Variants in ARHGAP8 observed in about 807,000 individuals in gnomAD.
ARHGAP8 encodes the protein Rho GTPase activating protein 8.
In ARHGAP8, 62 loss-of-function variants were observed where a neutral mutation model predicts 46.1. The ratio of observed to expected loss-of-function variants is 1.34; its 90% confidence interval spans 1.10 to 1.66. ARHGAP8 has a LOEUF of 1.66. Ranked by LOEUF, ARHGAP8 falls within the 40% of genes most tolerant of loss-of-function variation. The pLI is 0.00. For synonymous variants in ARHGAP8, 375 were observed against 243.1 expected, an observed-to-expected ratio of 1.54 and a Z score of -5.05; for missense variants, 923 against 568.4, an observed-to-expected ratio of 1.62 and a Z score of -6.34.
At chr22:44,796,763 G>T (rs1232401605) in intron 2 of ARHGAP8, among the ~76,000 whole-genome samples, 2 of 152,168 alleles carry the variant, frequency 1.3e-5, no homozygotes, top group South Asian at 4.1e-4. Flanking sequence ...GAATTGCATT[G>T]TTCGTAATAA....
Position 44,822,385 on chromosome 22 carries a change from A to G in ARHGAP8, c.401A>G (p.Lys134Arg), listed in dbSNP as rs756279477. 2.5e-6 allele frequency: 4 copies of G among 1,581,584 alleles called. No homozygotes were observed. The highest frequency in any genetic ancestry group is 2.6e-6 in the Non-Finnish European group (3 of 1,168,828). The change falls in exon 6 of 12, where the codon AAG (lysine) becomes AGG (arginine). Residue 134 changes from lysine (K) to arginine (R), a missense_variant. Transcript: ENST00000356099. ...LKPLISHKFG[K>R]KVIYFNYLSE... ...TGCTTTCTTAGTCACAAGTTTGGGA[A>G]GAAAGTCATCTATTTCAACTACCTG...
At position 44,849,006 on chromosome 22, in the gene ARHGAP8, C is replaced by A; in HGVS notation, c.823C>A (p.Leu275Met). 6.2e-7 allele frequency: 1 copy of A among 1,614,128 alleles called. No individual in the cohort carries two copies. The highest frequency in any genetic ancestry group is 8.5e-7 in the Non-Finnish European group (1 of 1,180,040). ...AVILKTFLRE[L>M]PQPLLTFQAY... ...GATCCTGAAGACCTTCCTGCGAGAGCTGCCCCAGCCGCTTCTGACCTTCCA... is the reference window on the plus strand; with the variant it reads ...GATCCTGAAGACCTTCCTGCGAGAGATGCCCCAGCCGCTTCTGACCTTCCA... The change falls in exon 10 of 12, where the codon CTG (leucine) becomes ATG (methionine). Residue 275 changes from leucine (L) to methionine (M), a missense_variant. By Grantham distance (15) the Leu-to-Met change is conservative. Transcript: ENST00000356099.
rs982912682 is a variant in ARHGAP8 at position 44,862,730 on chromosome 22, T to C, written c.*135T>C. On this transcript the variant is annotated 3_prime_UTR_variant, in exon 12 of 12. Coordinates refer to ENST00000356099, the MANE Select transcript of ARHGAP8 (RefSeq NM_181335.3). ...AACCTTCTAATGAAAACTCCATGCC[T>C]CTGGTCCTTGGACTCTTGTCCATGG... 2.3e-5 allele frequency: 25 copies of C among 1,110,244 alleles called. No homozygotes were observed. The highest frequency in any genetic ancestry group is 3.1e-5 in the Non-Finnish European group (25 of 810,370). 68.8% of individuals were successfully genotyped at this position (1,110,244 alleles called of 1,614,324 possible).
intron 7 of ARHGAP8, among the ~76,000 whole-genome samples, chr22:44,841,942 G>A (rs916949300): frequency 2.0e-5 from 3 of 152,182 alleles, no homozygotes; most frequent in African/African-American, 4.8e-5. Flanking sequence ...GTCTACTCCC[G>A]TGTGGCTCCT....
At chr22:44,859,051 G>GC (rs1328332822) in intron 10 of ARHGAP8, among the ~76,000 whole-genome samples, 9 of 151,482 alleles carry the variant, frequency 5.9e-5, no homozygotes, top group Admixed American at 3.9e-4. Context: ...CCAGATCTAA[G>GC]CCATGGGCCG....
In ARHGAP8 at chr22:44,814,021, C is replaced by T. The variant is rs901128234; in HGVS notation, c.300-651C>T. ...TGTCTCCCCAGCAGGACACACCGTC[C>T]CCCACTCACCCTCTAGAGCCCTGGC... is the stretch of plus-strand genomic sequence containing the variant. On this transcript the variant is annotated intron_variant, in intron 4 of 11. Coordinates refer to ENST00000356099, the MANE Select transcript of ARHGAP8 (RefSeq NM_181335.3). 2.0e-5 allele frequency among the ~76,000 whole-genome samples: 3 copies of T among 152,170 alleles called. 1 individual carries two copies. Among genetic ancestry groups the T allele is most frequent in the Non-Finnish European group, 1.5e-5 (1 of 68,026 alleles).
rs201611417 is a variant in ARHGAP8, at chr22:44,802,121, C to T, written c.124C>T (p.Arg42Trp). 4.2e-5 allele frequency: 68 copies of T among 1,614,156 alleles called. No individual in the cohort carries two copies. The East Asian group carries it at 1.2e-3, about 28-fold the overall frequency. Reference protein sequence around the residue: ...GRRVVTFSCCRMPPSHELDHQ... With the variant: ...GRRVVTFSCCWMPPSHELDHQ... Reference sequence around the variant, plus strand: ...ACGTGTTGTCACGTTCAGCTGCTGCCGGATGCCACCCTCCCACGAGCTGGA... The same window carrying T: ...ACGTGTTGTCACGTTCAGCTGCTGCTGGATGCCACCCTCCCACGAGCTGGA... Residue 42 changes from arginine to tryptophan, a missense_variant, in exon 3 of 12, where the codon CGG becomes TGG. By Grantham distance (101) the Arg-to-Trp change is moderately radical (BLOSUM62 -3). Coordinates refer to ENST00000356099, the MANE Select transcript of ARHGAP8 (RefSeq NM_181335.3).
At position 44,846,623 on chromosome 22, in the gene ARHGAP8, C is replaced by T. The variant is rs537969229; in HGVS notation, c.670+1281C>T. ...GGCCTGGACTGCCCCTCCTTGCCCTCTACCGGTTAGGTCCTGCTTTCCGGA... is the reference window on the plus strand; with the variant it reads ...GGCCTGGACTGCCCCTCCTTGCCCTTTACCGGTTAGGTCCTGCTTTCCGGA... On this transcript the variant is annotated intron_variant, in intron 8 of 11. Coordinates refer to ENST00000356099, the MANE Select transcript of ARHGAP8 (RefSeq NM_181335.3). 1.6e-3 allele frequency among the ~76,000 whole-genome samples: 248 copies of T among 152,290 alleles called. 1 individual carries two copies. The highest frequency in any genetic ancestry group is 5.8e-3 in the African/African-American group (240 of 41,572).
chr22:44,792,672 A>G (rs956366596), intron 2 of ARHGAP8, among the ~76,000 whole-genome samples: 1 of 152,098 alleles, frequency 6.6e-6, no homozygotes, highest in African/African-American at 2.4e-5. Context: ...CATGACCAAC[A>G]TCTGGAACCA....
chr22:44,860,469 C>G (rs2147202371), intron 11 of ARHGAP8, among the ~76,000 whole-genome samples: 1 of 152,120 alleles, frequency 6.6e-6, no homozygotes, highest in South Asian at 2.1e-4. Context: ...ACCTTTCCCT[C>G]CTAAGTGTGG....
intron 11 of ARHGAP8, among the ~76,000 whole-genome samples, chr22:44,861,946 TCGTA>T (rs1324090570): frequency 6.6e-6 from 1 of 152,106 alleles, no homozygotes; most frequent in African/African-American, 2.4e-5. Context: ...GTCACCAAGT[TCGTA>T]CCGTCTGTGC....
intron 11 of ARHGAP8, among the ~76,000 whole-genome samples, chr22:44,861,324 A>C (rs1246521743): frequency 6.6e-6 from 1 of 152,034 alleles, no homozygotes; most frequent in Non-Finnish European, 1.5e-5. Context: ...CGCCACCTCC[A>C]TGGGCACCGA....
At chr22:44,770,395 C>T (rs132463) in intron 1 of ARHGAP8, among the ~76,000 whole-genome samples, 107,507 of 151,464 alleles carry the variant, frequency 0.71, 38,341 homozygotes, top group East Asian at 0.88. Context: ...AAAAGGCCAA[C>T]CTTAGATTCT....
At chr22:44,789,313 G>A (rs150770902) in intron 2 of ARHGAP8, among the ~76,000 whole-genome samples, 18 of 152,156 alleles carry the variant, frequency 1.2e-4, no homozygotes, top group East Asian at 1.2e-3. Flanking sequence ...ACCAAGCCCC[G>A]ATAATTTTTG....
intron 10 of ARHGAP8, among the ~76,000 whole-genome samples, chr22:44,851,148 C>G (rs2070082272): frequency 6.6e-6 from 1 of 152,168 alleles, no homozygotes; most frequent in Admixed American, 6.5e-5. Flanking sequence ...GCTTGCACCA[C>G]TGCCTCCGGT....
At chr22:44,810,358 C>G (rs1056494962) in intron 4 of ARHGAP8, among the ~76,000 whole-genome samples, 22 of 151,532 alleles carry the variant, frequency 1.5e-4, no homozygotes, top group East Asian at 2.0e-4. Context: ...TCTCCTGCCT[C>G]AGCCTCCTGA....
rs564397446 is a variant in ARHGAP8, at chr22:44,788,339, G to A, written c.79+1733G>A. ...TTGCCATGTTGGTCAGGCTGGTCTC[G>A]AACTCCTGACCTCAGGTGATCAACC... On this transcript the variant is annotated intron_variant, in intron 2 of 11. Coordinates refer to ENST00000356099, the MANE Select transcript of ARHGAP8 (RefSeq NM_181335.3). Among the ~76,000 whole-genome samples the A allele has an allele frequency of 2.8e-4, 43 of 152,106 alleles. No homozygotes were observed. In the East Asian group the frequency reaches 5.2e-3, roughly 18 times the overall value.
chr22:44,859,973 C>G (rs550183062), intron 11 of ARHGAP8, 139 bp downstream of exon 11: 45 of 1,039,474 alleles, frequency 4.3e-5, no homozygotes, highest in African/African-American at 8.1e-5. Context: ...TCCCTGCCCC[C>G]CAAGGACCTC....
chr22:44,809,555 G>A (rs897744571), intron 4 of ARHGAP8: 6 of 228,518 alleles, frequency 2.6e-5, no homozygotes, highest in African/African-American at 1.4e-4. Flanking sequence ...GGGAGCAAGT[G>A]ACTTACCCGT....
Sources: gnomAD v4.1 joint callset for allele counts (sites outside exome capture counted in the v4.1 genomes callset) on GRCh38, gnomAD v4.1.1 for gene constraint, MANE v1.5 for transcripts, NCBI Gene and HGNC (gene_info 2026-07-23, HGNC 2026-07-21) for gene names.